The following CRTAM variants were observed in gnomAD, a reference collection of about 807,000 sequenced individuals.
CRTAM encodes the protein cytotoxic and regulatory T-cell molecule.
In CRTAM, 44 loss-of-function variants were observed where a neutral mutation model predicts 50.0. The observed-to-expected ratio is 0.88, with a 90% CI of 0.69 to 1.13. The LOEUF (loss-of-function observed/expected upper bound fraction) is 1.13, where lower values mean the gene tolerates loss of function less well. CRTAM is among the 50% of genes most tolerant of loss of function. The pLI is 0.00. For synonymous variants in CRTAM, 159 were observed against 169.3 expected (o/e 0.94, Z 0.47); for missense variants, 448 against 457.5 (o/e 0.98, Z 0.19).
intron 9 of CRTAM, 89 bp downstream of exon 9, chr11:122,868,188 A>ATGTGTGTGTGTGTGTGTGTG (rs58440037): frequency 1.8e-5 from 8 of 440,002 alleles, no homozygotes; most frequent in Non-Finnish European, 2.9e-5. Flanking sequence ...ACAACAGAAT[A>ATGTGTGTGTGTGTGTGTGTG]TGTGTGTGTG....
At chr11:122,860,372 T>C (rs1862056162) in intron 5 of CRTAM, among the ~76,000 whole-genome samples, 1 of 152,168 alleles carries the variant, frequency 6.6e-6, no homozygotes, top group Non-Finnish European at 1.5e-5. Flanking sequence ...ATATTTTCAT[T>C]TTAATTAATT....
At chr11:122,861,001 ATTC>A (rs1862066044) in intron 5 of CRTAM, among the ~76,000 whole-genome samples, 2 of 152,112 alleles carry the variant, frequency 1.3e-5, no homozygotes, top group Middle Eastern at 3.4e-3. Context: ...CCGGCCCCAT[ATTC>A]TTCTTAAAAT....
At chr11:122,839,195 G>A (rs1460721891) in intron 1 of CRTAM, among the ~76,000 whole-genome samples, 2 of 152,170 alleles carry the variant, frequency 1.3e-5, no homozygotes, top group Non-Finnish European at 2.9e-5. Flanking sequence ...GCCTCCCAAA[G>A]TGCTGGGATT....
intron 6 of CRTAM, among the ~76,000 whole-genome samples, chr11:122,862,950 G>C (rs78240333): frequency 0.03 from 4,608 of 152,298 alleles, 68 homozygotes; most frequent in East Asian, 0.063. Context: ...TCAACAAAGA[G>C]AAAAGAAGCA....
chr11:122,863,612 G>C (rs1321780346), intron 6 of CRTAM, among the ~76,000 whole-genome samples: 1 of 152,066 alleles, frequency 6.6e-6, no homozygotes, highest in African/African-American at 2.4e-5. Context: ...TCTAAACACT[G>C]ATAAATACAA....
At chr11:122,868,919 G>A (rs1287060470) in intron 9 of CRTAM, among the ~76,000 whole-genome samples, 3 of 152,196 alleles carry the variant, frequency 2.0e-5, no homozygotes, top group Non-Finnish European at 4.4e-5. Flanking sequence ...TGAGGCAGGA[G>A]AATGGCGTGA....
chr11:122,864,641 G>A lies in CRTAM; in HGVS notation c.739G>A (p.Val247Ile), dbSNP rs777915745. The change falls in exon 7 of 10, where the codon GTA becomes ATA. Residue 247 changes from valine (V) to isoleucine (I), a missense_variant. Transcript: ENST00000227348. Reference protein sequence around the residue: ...DPQQPTSTVSVTEDSSTSEID... With the variant: ...DPQQPTSTVSITEDSSTSEID... The stretch of plus-strand genomic sequence containing the variant: ...TTTATCTTCTTTCACTTTAGTCTCA[G>A]TAACGGAAGATTCTAGTACATCGGA... 6.2e-6 allele frequency: 10 copies of A among 1,610,906 alleles called. No individual in the cohort carries two copies. Among genetic ancestry groups the A allele is most frequent in the Non-Finnish European group, 8.5e-6 (10 of 1,177,272 alleles).
intron 1 of CRTAM, among the ~76,000 whole-genome samples, chr11:122,842,471 G>T (rs1232291218): frequency 6.6e-6 from 1 of 152,146 alleles, no homozygotes; most frequent in South Asian, 2.1e-4. Context: ...TAGACATGGG[G>T]TTTCACTATG....
chr11:122,863,345 GAAAGAAAAAGAAAGAAAGAAAGAA>G (rs1862122136), intron 6 of CRTAM, among the ~76,000 whole-genome samples: 1 of 75,864 alleles, frequency 1.3e-5, no homozygotes, highest in South Asian at 5.2e-4. Context: ...AAGAAAGAAA[GAAAGAAAAAGAAAGAAAGAAAGAA>G]AAAGAAAGAA....
intron 3 of CRTAM, 82 bp downstream of exon 3, chr11:122,851,927 T>G: frequency 7.5e-7 from 1 of 1,325,628 alleles, no homozygotes; most frequent in Non-Finnish European, 1.0e-6. Flanking sequence ...ACCTTTTAGT[T>G]TAAAAATGTT....
At chr11:122,870,774 G>A (rs1176676315) in intron 9 of CRTAM, among the ~76,000 whole-genome samples, 1 of 152,136 alleles carries the variant, frequency 6.6e-6, no homozygotes, top group Non-Finnish European at 1.5e-5. Flanking sequence ...TATATAGTAA[G>A]ACTTCTTTAA....
rs913933732 is a variant in CRTAM, at chr11:122,872,022, A to G, written c.*623A>G. ...TAGTGGTGCGCACCTGTAGTCTCAG[A>G]TACTTGGGAGGCTGAGGGTGGAGAA... On this transcript the variant is annotated 3_prime_UTR_variant, in exon 10 of 10. Transcript: ENST00000227348. 6.6e-6 allele frequency: 1 copy of G among 152,106 alleles called. No homozygotes were observed. Among genetic ancestry groups the G allele is most frequent in the African/African-American group, 2.4e-5 (1 of 41,384 alleles). 9.4% of individuals were successfully genotyped at this position (152,106 alleles called of 1,614,324 possible). A position where few individuals can be genotyped will look rare whatever the true frequency, so the allele number is the denominator to read the frequency against.
chr11:122,872,457 A>C lies in CRTAM; in HGVS notation c.*1058A>C, dbSNP rs997137571. On this transcript the variant is annotated 3_prime_UTR_variant, in exon 10 of 10. Coordinates refer to ENST00000227348, the MANE Select transcript of CRTAM (RefSeq NM_019604.4). Reference sequence around the variant, plus strand: ...GGCTTTTTAAAATGTTTTAATAAAAAGCAGAATAGATGTTTGTTTTTCTAG... The same window carrying C: ...GGCTTTTTAAAATGTTTTAATAAAACGCAGAATAGATGTTTGTTTTTCTAG... 6.5e-6 allele frequency: 1 copy of C among 152,678 alleles called. No homozygotes were observed. The highest frequency in any genetic ancestry group is 2.4e-5 in the African/African-American group (1 of 41,470). 9.5% of individuals were successfully genotyped at this position (152,678 alleles called of 1,614,324 possible).
intron 4 of CRTAM, among the ~76,000 whole-genome samples, 177 bp downstream of exon 4, chr11:122,854,263 A>G (rs539152070): frequency 3.9e-5 from 6 of 152,372 alleles, no homozygotes; most frequent in Middle Eastern, 3.4e-3. Context: ...TTAATCTTGA[A>G]AGGCTAATCA....
intron 1 of CRTAM, among the ~76,000 whole-genome samples, chr11:122,843,448 G>A (rs556878658): frequency 9.2e-5 from 14 of 152,280 alleles, no homozygotes; most frequent in South Asian, 2.1e-4. Flanking sequence ...CCTCACAGGC[G>A]AAACACCACA....
intron 9 of CRTAM, among the ~76,000 whole-genome samples, chr11:122,869,668 C>G (rs1202083234): frequency 6.6e-6 from 1 of 152,164 alleles, no homozygotes; most frequent in East Asian, 1.9e-4. Context: ...AGAAATACAG[C>G]GAGTTTTGCC....
In CRTAM at chr11:122,868,118, C is replaced by T. The variant is rs761686097; in HGVS notation, c.1051+19C>T. On this transcript the variant is annotated intron_variant, in intron 9 of 9. Coordinates refer to ENST00000227348, the MANE Select transcript of CRTAM (RefSeq NM_019604.4). ...GGCCAATGTAAGTCAACTGTATGACCTGAGATCTGAACAATGAGGTTCATT... is the reference window on the plus strand; with the variant it reads ...GGCCAATGTAAGTCAACTGTATGACTTGAGATCTGAACAATGAGGTTCATT... 6.8e-7 allele frequency: 1 copy of T among 1,463,476 alleles called. No homozygotes were observed. The highest frequency in any genetic ancestry group is 9.6e-7 in the Non-Finnish European group (1 of 1,045,336). The allele number at this position is 1,463,476 out of a possible 1,614,324, so 90.7% of individuals were successfully genotyped here. A position where few individuals can be genotyped will look rare whatever the true frequency, so the allele number is the denominator to read the frequency against.
intron 9 of CRTAM, among the ~76,000 whole-genome samples, chr11:122,869,017 A>G (rs1280033739): frequency 6.6e-6 from 1 of 152,204 alleles, no homozygotes; most frequent in Non-Finnish European, 1.5e-5. Flanking sequence ...TCAAAAAAAT[A>G]AAAATAAAAA....
chr11:122,847,461 T>C lies in CRTAM; in HGVS notation c.47-2607T>C, dbSNP rs543744978. Among the ~76,000 whole-genome samples the C allele has an allele frequency of 2.8e-4, 42 of 152,360 alleles. 1 individual carries two copies. The South Asian group carries it at 8.7e-3, about 32-fold the overall frequency. On this transcript the variant is annotated intron_variant, in intron 1 of 9. Coordinates refer to ENST00000227348, the MANE Select transcript of CRTAM (RefSeq NM_019604.4). Reference sequence around the variant, plus strand: ...ACTGATGTAGGGAGAATATGAAATCTGAACTTTGGTTCCAAAATGAAATGC... The same window carrying C: ...ACTGATGTAGGGAGAATATGAAATCCGAACTTTGGTTCCAAAATGAAATGC...
Sources: allele counts gnomAD v4.1 joint callset (sites outside exome capture counted in the v4.1 genomes callset), GRCh38; gene constraint gnomAD v4.1.1; transcripts MANE v1.5; gene names NCBI Gene and HGNC (gene_info 2026-07-23, HGNC 2026-07-21).